Variants in TNFRSF11B observed in about 807,000 individuals in gnomAD.
TNFRSF11B encodes the protein TNF receptor superfamily member 11b.
Under a neutral mutation model 43.4 loss-of-function variants are expected in TNFRSF11B, and 16 were observed. The ratio of observed to expected loss-of-function variants is 0.37; its 90% CI spans 0.25 to 0.56. The LOEUF (loss-of-function observed/expected upper bound fraction) is 0.56. Among genes scored for constraint, TNFRSF11B ranks in the 20% least tolerant of loss-of-function variants. TNFRSF11B has a pLI of 0.80. For missense variants in TNFRSF11B, 444 were observed against 490.1 expected (o/e 0.91, Z 0.89); for synonymous variants, 185 against 181.8 (o/e 1.02, Z -0.14).
In TNFRSF11B at chr8:118,924,666, T is replaced by C; in HGVS notation, c.914A>G (p.Lys305Arg). Residue 305 changes from lysine to arginine, a missense_variant, in exon 5 of 5, where the codon AAG (lysine) becomes AGG (arginine). Coordinates refer to ENST00000297350, the MANE Select transcript of TNFRSF11B (RefSeq NM_002546.4). ...TTCAATGTCTTCTGCTCCCACTTTC[T>C]TTCCCGGTAAGCTTTCCATCAAGCT... ...LRSLMESLPGKKVGAEDIEKT... is the reference protein window; with the variant it reads ...LRSLMESLPGRKVGAEDIEKT... 1 of 1,614,210 alleles carries C rather than the reference T, an allele frequency of 6.2e-7. No individual in the cohort carries two copies. The highest frequency in any genetic ancestry group is 8.5e-7 in the Non-Finnish European group (1 of 1,180,046).
At chr8:118,932,051 A>G (rs560683593) in intron 2 of TNFRSF11B, among the ~76,000 whole-genome samples, 1 of 152,302 alleles carries the variant, frequency 6.6e-6, no homozygotes, top group East Asian at 1.9e-4. Context: ...ATATTTCTTA[A>G]AATATCAGCA....
intron 1 of TNFRSF11B, among the ~76,000 whole-genome samples, chr8:118,936,926 T>C (rs11573885): frequency 0.45 from 68,621 of 152,116 alleles, 16,398 homozygotes; most frequent in Non-Finnish European, 0.54. Context: ...TCCCATTCCC[T>C]GGCTACCTAT....
intron 2 of TNFRSF11B, among the ~76,000 whole-genome samples, chr8:118,930,325 G>A (rs996735465): frequency 2.6e-5 from 4 of 151,950 alleles, no homozygotes; most frequent in Non-Finnish European, 5.9e-5. Context: ...TAATTTACTC[G>A]AAATAAGTGA....
intron 2 of TNFRSF11B, among the ~76,000 whole-genome samples, chr8:118,929,993 A>G (rs1344800429): frequency 6.6e-6 from 1 of 152,230 alleles, no homozygotes; most frequent in Non-Finnish European, 1.5e-5. Context: ...AAGGGGCAAA[A>G]TGGACTGGTT....
At chr8:118,948,599 T>A (rs1812598510) in intron 1 of TNFRSF11B, among the ~76,000 whole-genome samples, 1 of 81,932 alleles carries the variant, frequency 1.2e-5, no homozygotes, top group Non-Finnish European at 2.1e-5. Context: ...ACAGCTGTAG[T>A]TTCAGCTTAA....
chr8:118,931,487 T>C (rs1236739723), intron 2 of TNFRSF11B, among the ~76,000 whole-genome samples: 1 of 152,196 alleles, frequency 6.6e-6, no homozygotes, highest in African/African-American at 2.4e-5. Context: ...TTTCTACATA[T>C]ACAACTTACT....
intron 2 of TNFRSF11B, chr8:118,930,667 C>G: frequency 2.4e-6 from 1 of 416,286 alleles, no homozygotes; most frequent in Admixed American, 2.5e-5. Flanking sequence ...CCGCCTTGAC[C>G]TCTCAAACTC....
intron 1 of TNFRSF11B, among the ~76,000 whole-genome samples, chr8:118,947,931 G>A (rs2129926479): frequency 6.6e-6 from 1 of 152,226 alleles, no homozygotes; most frequent in Admixed American, 6.5e-5. Flanking sequence ...TTCAAGTGAA[G>A]CCTATTTTAT....
At chr8:118,939,217 ATTTT>A (rs1336280360) in intron 1 of TNFRSF11B, among the ~76,000 whole-genome samples, 6 of 152,148 alleles carry the variant, frequency 3.9e-5, no homozygotes, top group African/African-American at 1.2e-4. Flanking sequence ...AGTTTATTTG[ATTTT>A]TTATTTATAT....
intron 3 of TNFRSF11B, among the ~76,000 whole-genome samples, chr8:118,928,116 T>C (rs986137789): frequency 6.6e-6 from 1 of 151,980 alleles, no homozygotes. Flanking sequence ...CTCCATCTCC[T>C]GGGTTCAAGC....
At chr8:118,926,389 G>A (rs1043342362) in intron 4 of TNFRSF11B, 105 bp downstream of exon 4, 23 of 1,092,658 alleles carry the variant, frequency 2.1e-5, no homozygotes, top group African/African-American at 3.1e-5. Context: ...TTCCAACAGG[G>A]AAACAAGATC....
intron 4 of TNFRSF11B, 42 bp downstream of exon 4, chr8:118,926,452 T>G: frequency 6.6e-7 from 1 of 1,513,954 alleles, no homozygotes; most frequent in South Asian, 1.1e-5. Context: ...TAAATAGGTG[T>G]CTTTGATTTC....
intron 1 of TNFRSF11B, among the ~76,000 whole-genome samples, chr8:118,946,802 G>A (rs1187343307): frequency 6.6e-6 from 1 of 152,086 alleles, no homozygotes; most frequent in Admixed American, 6.6e-5. Flanking sequence ...GGCTTCTCCT[G>A]CACTCTAAAA....
chr8:118,945,276 T>TTGTGTGTG (rs11573841), intron 1 of TNFRSF11B, among the ~76,000 whole-genome samples: 81 of 149,634 alleles, frequency 5.4e-4, no homozygotes, highest in African/African-American at 1.7e-3. Flanking sequence ...TAATGCACAA[T>TTGTGTGTG]TGTGTGTGTG....
chr8:118,949,278 T>A (rs1475566236), intron 1 of TNFRSF11B, among the ~76,000 whole-genome samples: 2 of 152,022 alleles, frequency 1.3e-5, no homozygotes, highest in African/African-American at 2.4e-5. Flanking sequence ...TGATTTTAAA[T>A]CTCCAACAAT....
At chr8:118,926,369 C>T in intron 4 of TNFRSF11B, 125 bp downstream of exon 4, 1 of 945,016 alleles carries the variant, frequency 1.1e-6, no homozygotes, top group Non-Finnish European at 1.6e-6. Flanking sequence ...CTTTTTCAGT[C>T]CAACAATGAT....
In TNFRSF11B at chr8:118,924,513, T is replaced by C. The variant is rs1423432349; in HGVS notation, c.1067A>G (p.His356Arg). ...ACTCTGAGTGACAGTTTTGGGAAAG[T>C]GGTACGTCTTTGAGTGCTTTAGTGC... ...MHALKHSKTYHFPKTVTQSLK... is the reference protein window; with the variant it reads ...MHALKHSKTYRFPKTVTQSLK... The change falls in exon 5 of 5, where the codon CAC (histidine) becomes CGC (arginine). Residue 356 changes from histidine (H) to arginine (R), a missense_variant. Coordinates refer to ENST00000297350, the MANE Select transcript of TNFRSF11B (RefSeq NM_002546.4). The C allele has an allele frequency of 6.2e-7, 1 of 1,614,156 alleles. No individual in the cohort carries two copies.
At chr8:118,938,047 T>G (rs1812427687) in intron 1 of TNFRSF11B, among the ~76,000 whole-genome samples, 1 of 152,226 alleles carries the variant, frequency 6.6e-6, no homozygotes, top group African/African-American at 2.4e-5. Context: ...ATATACAAAT[T>G]TCTAATAATT....
At chr8:118,933,406 A>T in intron 1 of TNFRSF11B, 106 bp from the exon 2 acceptor site, 1 of 1,543,408 alleles carries the variant, frequency 6.5e-7, no homozygotes. Flanking sequence ...CCTTAAGCCT[A>T]ATGAGATTTG....
Sources: gnomAD v4.1 joint callset for allele counts (sites outside exome capture counted in the v4.1 genomes callset) on GRCh38, gnomAD v4.1.1 for gene constraint, MANE v1.5 for transcripts, NCBI Gene and HGNC (gene_info 2026-07-23, HGNC 2026-07-21) for gene names.